Variants in PDZRN4 observed in about 807,000 individuals in gnomAD.
PDZRN4 encodes PDZ domain containing ring finger 4, also known as PDZ domain-containing RING finger protein 4.
A neutral mutation model predicts 99.0 loss-of-function variants in PDZRN4; 70 were observed. The ratio of observed to expected loss-of-function variants is 0.71; its 90% CI spans 0.58 to 0.86. PDZRN4 has a LOEUF of 0.86. PDZRN4 is among the 40% of genes least tolerant of loss of function. PDZRN4 has a pLI of 0.00. For synonymous variants in PDZRN4, 551 were observed against 501.6 expected, an observed-to-expected ratio of 1.10 and a Z score of -1.32; for missense variants, 1,474 against 1,331.2, an observed-to-expected ratio of 1.11 and a Z score of -1.67.
At chr12:41,324,961 C>G (rs575235154) in intron 3 of PDZRN4, among the ~76,000 whole-genome samples, 1 of 152,168 alleles carries the variant, frequency 6.6e-6, no homozygotes, top group South Asian at 2.1e-4. Flanking sequence ...ATATGTGGCT[C>G]TCATCTGTGC....
chr12:41,559,622 G>A (rs922478005), intron 7 of PDZRN4, among the ~76,000 whole-genome samples: 1 of 152,064 alleles, frequency 6.6e-6, no homozygotes, highest in African/African-American at 2.4e-5. Context: ...ATGACTTCCT[G>A]ATGAAACTTT....
At chr12:41,530,572 T>G (rs1938643767) in intron 5 of PDZRN4, among the ~76,000 whole-genome samples, 1 of 152,218 alleles carries the variant, frequency 6.6e-6, no homozygotes, top group Non-Finnish European at 1.5e-5. Flanking sequence ...CAATGTGCTG[T>G]GAACATTCTT....
intron 3 of PDZRN4, among the ~76,000 whole-genome samples, chr12:41,212,390 C>T (rs961186560): frequency 2.0e-5 from 3 of 152,020 alleles, no homozygotes; most frequent in East Asian, 3.9e-4. Flanking sequence ...TTTTTATTTA[C>T]ATCCATCATT....
At chr12:41,564,738 A>T (rs756702445) in intron 8 of PDZRN4, among the ~76,000 whole-genome samples, 29 of 152,264 alleles carry the variant, frequency 1.9e-4, no homozygotes, top group Admixed American at 3.9e-4. Context: ...AAAGCCCACA[A>T]AACCCCCACA....
intron 3 of PDZRN4, among the ~76,000 whole-genome samples, chr12:41,290,412 T>C (rs578072583): frequency 6.6e-6 from 1 of 152,288 alleles, no homozygotes; most frequent in African/African-American, 2.4e-5. Context: ...TAATAGGTCA[T>C]TGATTTATCG....
At chr12:41,461,515 A>T (rs777891559) in intron 3 of PDZRN4, among the ~76,000 whole-genome samples, 21 of 152,176 alleles carry the variant, frequency 1.4e-4, no homozygotes, top group Non-Finnish European at 2.8e-4. Flanking sequence ...TCCTAGAGAG[A>T]GTAACAGACA....
chr12:41,527,855 A>T (rs1938596028), intron 5 of PDZRN4, among the ~76,000 whole-genome samples: 1 of 152,076 alleles, frequency 6.6e-6, no homozygotes, highest in South Asian at 2.1e-4. Flanking sequence ...ATTCTGTCTC[A>T]CTCTGAGGTT....
chr12:41,424,167 T>G (rs972821760), intron 3 of PDZRN4, among the ~76,000 whole-genome samples: 24 of 152,214 alleles, frequency 1.6e-4, no homozygotes, highest in African/African-American at 5.5e-4. Context: ...CTTAAACTAC[T>G]TATGCAATAT....
intron 3 of PDZRN4, among the ~76,000 whole-genome samples, chr12:41,396,106 A>T (rs960825714): frequency 2.0e-5 from 3 of 152,140 alleles, no homozygotes; most frequent in Admixed American, 2.0e-4. Context: ...AGCGACTTTG[A>T]TGATTTGCTT....
chr12:41,272,192 T>G (rs1002423002), intron 3 of PDZRN4, among the ~76,000 whole-genome samples: 10 of 152,092 alleles, frequency 6.6e-5, no homozygotes, highest in Admixed American at 4.6e-4. Flanking sequence ...CACTAATATT[T>G]ACTTTAAGAA....
chr12:41,188,394 G>A lies in PDZRN4; in HGVS notation c.-62G>A. On this transcript the variant is annotated 5_prime_UTR_variant, in exon 1 of 10. Transcript: ENST00000402685. ...GCTGCCCCGGGGGTGGCCCGGGGAA[G>A]GCAGGGGGGCTCGGAGAAGACGGAC... The A allele has an allele frequency of 7.0e-7, 1 of 1,431,322 alleles. No individual in the cohort carries two copies. The highest frequency in any genetic ancestry group is 1.4e-5 in the South Asian group (1 of 70,174). The allele number at this position is 1,431,322 out of a possible 1,614,324, so 88.7% of individuals were successfully genotyped here.
At chr12:41,368,064 T>C (rs1308513990) in intron 3 of PDZRN4, among the ~76,000 whole-genome samples, 160 of 152,242 alleles carry the variant, frequency 1.1e-3, no homozygotes, top group East Asian at 1.9e-4. Flanking sequence ...GGCACTTGGC[T>C]TTCCTCTCCT....
At chr12:41,295,506 T>A (rs1199808637) in intron 3 of PDZRN4, among the ~76,000 whole-genome samples, 1 of 151,802 alleles carries the variant, frequency 6.6e-6, no homozygotes, top group Non-Finnish European at 1.5e-5. Context: ...TACACAGAAA[T>A]GCACTATCCC....
intron 9 of PDZRN4, 31 bp downstream of exon 9, chr12:41,567,930 G>C (rs1412920164): frequency 8.0e-7 from 1 of 1,247,720 alleles, no homozygotes; most frequent in East Asian, 2.4e-5. Flanking sequence ...TACATCATTT[G>C]ATATGTTGCT....
intron 3 of PDZRN4, among the ~76,000 whole-genome samples, chr12:41,364,583 C>T (rs1951984825): frequency 6.6e-6 from 1 of 152,090 alleles, no homozygotes; most frequent in South Asian, 2.1e-4. Flanking sequence ...TTGAGCATCT[C>T]TAACAGCTTT....
rs747681297 is a variant in PDZRN4, at chr12:41,573,859, A to C, written c.3080A>C (p.His1027Pro). The C allele has an allele frequency of 2.5e-6, 4 of 1,583,228 alleles. No individual in the cohort carries two copies. The African/African-American group carries it at 4.1e-5, about 16-fold the overall frequency. ...GAKSPDGTRV[H>P]NAFLSVTTV ...AAGTCTCCAGATGGCACGAGAGTCC[A>C]TAATGCCTTCTTGTCGGTGACCACT... Residue 1027 changes from histidine (H) to proline (P), a missense_variant, in exon 10 of 10, where the codon CAT (histidine) becomes CCT (proline). Physicochemically the swap from His to Pro is moderately conservative, Grantham distance 77. Transcript: ENST00000402685.
rs1555128887 is a variant in PDZRN4, at chr12:41,317,049, T to TATACATAC, written c.843+122864_843+122865insCATACATA. 2.0e-3 allele frequency among the ~76,000 whole-genome samples: 39 copies of TATACATAC among 19,646 alleles called. 4 individuals carry two copies. In the East Asian group the frequency reaches 0.022, roughly 11 times the overall value. 12.9% of individuals were successfully genotyped at this position (19,646 alleles called of 152,430 possible). A position where few individuals can be genotyped will look rare whatever the true frequency, so the allele number is the denominator to read the frequency against. On this transcript the variant is annotated intron_variant, in intron 3 of 9. Coordinates refer to ENST00000402685, the MANE Select transcript of PDZRN4 (RefSeq NM_001164595.2). ...CCAGAGAATCATAACTTACATAAAG[T>TATACATAC]ATATATATATATATATATATATATA...
chr12:41,392,825 A>G (rs1349292285), intron 3 of PDZRN4, among the ~76,000 whole-genome samples: 1 of 152,218 alleles, frequency 6.6e-6, no homozygotes, highest in Non-Finnish European at 1.5e-5. Flanking sequence ...TTTGAACACC[A>G]AACCACAAGG....
chr12:41,482,364 A>T (rs1184295892), intron 3 of PDZRN4, among the ~76,000 whole-genome samples: 1 of 152,190 alleles, frequency 6.6e-6, no homozygotes, highest in Non-Finnish European at 1.5e-5. Flanking sequence ...GGAAAAGAAA[A>T]ATCTGAAATA....
Sources: allele counts gnomAD v4.1 joint callset (sites outside exome capture counted in the v4.1 genomes callset), GRCh38; gene constraint gnomAD v4.1.1; transcripts MANE v1.5; gene names NCBI Gene and HGNC (gene_info 2026-07-23, HGNC 2026-07-21).